ZNF385D: variants seen among roughly 807,000 people sequenced by gnomAD.
ZNF385D encodes zinc finger protein 659.
Under a neutral mutation model 35.8 loss-of-function variants are expected in ZNF385D, and 15 were observed. The ratio of observed to expected loss-of-function variants is 0.42; its 90% confidence interval spans 0.28 to 0.64. The LOEUF (loss-of-function observed/expected upper bound fraction) is 0.64. Ranked by LOEUF, ZNF385D falls within the 30% of genes least tolerant of loss-of-function variation. ZNF385D has a pLI of 0.23. For synonymous variants in ZNF385D, 212 were observed against 186.8 expected (o/e 1.13, Z -1.10); for missense variants, 474 against 494.6 (o/e 0.96, Z 0.39).
At chr3:21,560,668 C>T (rs547709971) in intron 3 of ZNF385D, among the ~76,000 whole-genome samples, 39 of 152,314 alleles carry the variant, frequency 2.6e-4, no homozygotes, top group African/African-American at 6.5e-4. Context: ...AGAGCTCGAA[C>T]GCTGTGCTGG....
intron 3 of ZNF385D, among the ~76,000 whole-genome samples, chr3:21,772,172 G>A (rs1575622464): frequency 6.6e-6 from 1 of 151,952 alleles, no homozygotes; most frequent in Admixed American, 6.6e-5. Flanking sequence ...ATTTAGCCAT[G>A]ATTTCTTGGA....
chr3:22,096,670 A>C (rs1474380491), intron 3 of ZNF385D, among the ~76,000 whole-genome samples: 1 of 152,086 alleles, frequency 6.6e-6, no homozygotes, highest in Non-Finnish European at 1.5e-5. Flanking sequence ...CCTGTACTGC[A>C]CAATCTCTTT....
At chr3:21,810,018 G>A (rs1226850658) in intron 3 of ZNF385D, among the ~76,000 whole-genome samples, 1 of 151,904 alleles carries the variant, frequency 6.6e-6, no homozygotes, top group African/African-American at 2.4e-5. Flanking sequence ...AGGAGAGAAG[G>A]GAAACTTTCC....
In ZNF385D at chr3:21,806,064, T is replaced by C. The variant is rs748012745; in HGVS notation, c.326-141036A>G. 1.2e-4 allele frequency among the ~76,000 whole-genome samples: 19 copies of C among 152,314 alleles called. No individual in the cohort carries two copies. In the South Asian group the frequency reaches 2.7e-3, roughly 22 times the overall value. On this transcript the variant is annotated intron_variant, in intron 3 of 5. Transcript: ENST00000494108. The stretch of plus-strand genomic sequence containing the variant: ...TCTCATTTGCTCTGGGAAATTCATA[T>C]GCATGTTAGCTAAACAGCAAAGCAG...
intron 2 of ZNF385D, among the ~76,000 whole-genome samples, chr3:22,205,381 A>AT (rs1296295714): frequency 1.3e-5 from 2 of 151,698 alleles, no homozygotes; most frequent in Admixed American, 1.3e-4. Flanking sequence ...AAGTTCTACA[A>AT]TCTTAAAGAA....
intron 2 of ZNF385D, among the ~76,000 whole-genome samples, chr3:21,637,455 C>T (rs943385230): frequency 6.6e-6 from 1 of 152,082 alleles, no homozygotes; most frequent in African/African-American, 2.4e-5. Context: ...CTATTCTGTT[C>T]CATTGGTCTG....
chr3:22,042,410 C>T (rs1038283483), intron 3 of ZNF385D, among the ~76,000 whole-genome samples: 1 of 151,792 alleles, frequency 6.6e-6, no homozygotes, highest in Non-Finnish European at 1.5e-5. Flanking sequence ...ATGTAGATTT[C>T]TATACTTAGT....
intron 3 of ZNF385D, among the ~76,000 whole-genome samples, chr3:22,060,656 G>A (rs1699641225): frequency 6.6e-6 from 1 of 152,150 alleles, no homozygotes; most frequent in East Asian, 1.9e-4. Context: ...AACAGCCATG[G>A]AAACTAGTGA....
chr3:22,328,352 A>C (rs980988031), intron 2 of ZNF385D, among the ~76,000 whole-genome samples: 4 of 152,146 alleles, frequency 2.6e-5, no homozygotes, highest in African/African-American at 9.7e-5. Flanking sequence ...TGATTATAAA[A>C]AATTTAACAT....
chr3:22,015,815 T>C (rs1252480661), intron 3 of ZNF385D, among the ~76,000 whole-genome samples: 1 of 152,130 alleles, frequency 6.6e-6, no homozygotes, highest in Non-Finnish European at 1.5e-5. Context: ...CTTATGCTTT[T>C]GATGTTTGAA....
At chr3:21,901,744 C>A (rs1417215411) in intron 3 of ZNF385D, among the ~76,000 whole-genome samples, 2 of 152,098 alleles carry the variant, frequency 1.3e-5, no homozygotes, top group Non-Finnish European at 2.9e-5. Flanking sequence ...AAACAAGCAA[C>A]TTTGAAGAAA....
At chr3:22,356,899 T>C (rs1159685683) in intron 2 of ZNF385D, among the ~76,000 whole-genome samples, 1 of 151,890 alleles carries the variant, frequency 6.6e-6, no homozygotes, top group Non-Finnish European at 1.5e-5. Flanking sequence ...GTTTGAGTGG[T>C]AATAAAATCA....
At chr3:22,095,663 T>G (rs1286197422) in intron 3 of ZNF385D, among the ~76,000 whole-genome samples, 1 of 62,898 alleles carries the variant, frequency 1.6e-5, no homozygotes, top group East Asian at 2.1e-4. Context: ...GGAAATTGAT[T>G]TCTTTATTTT....
intron 2 of ZNF385D, among the ~76,000 whole-genome samples, chr3:21,630,784 T>C (rs904080554): frequency 1.3e-5 from 2 of 152,136 alleles, no homozygotes; most frequent in African/African-American, 4.8e-5. Context: ...ATCACTAATA[T>C]CTATTGAGCA....
chr3:21,613,498 C>T (rs1175047727), intron 2 of ZNF385D, among the ~76,000 whole-genome samples: 1 of 152,006 alleles, frequency 6.6e-6, no homozygotes, highest in Non-Finnish European at 1.5e-5. Flanking sequence ...CTGAAACAAG[C>T]TTCATCAGTT....
intron 3 of ZNF385D, among the ~76,000 whole-genome samples, chr3:21,967,468 G>T (rs1206472828): frequency 3.3e-5 from 5 of 152,134 alleles, no homozygotes; most frequent in African/African-American, 1.2e-4. Flanking sequence ...ATATCTTGAT[G>T]AAATTTTAAA....
At chr3:22,217,677 C>A (rs774198627) in intron 2 of ZNF385D, among the ~76,000 whole-genome samples, 2 of 152,020 alleles carry the variant, frequency 1.3e-5, no homozygotes, top group Non-Finnish European at 2.9e-5. Context: ...AGGTACATTA[C>A]ATGTTATGGC....
chr3:21,436,788 C>A (rs1478968853), intron 5 of ZNF385D, 182 bp downstream of exon 5: 4 of 623,342 alleles, frequency 6.4e-6, no homozygotes, highest in Non-Finnish European at 1.1e-5. Context: ...CTGGAAACCA[C>A]CCCTTGCCCC....
At chr3:21,977,196 G>A (rs755304902) in intron 3 of ZNF385D, among the ~76,000 whole-genome samples, 2 of 152,110 alleles carry the variant, frequency 1.3e-5, no homozygotes, top group African/African-American at 4.8e-5. Context: ...GCTGCTAGGG[G>A]TGTTGGTAAT....
Sources: gnomAD v4.1 joint callset for allele counts (sites outside exome capture counted in the v4.1 genomes callset) on GRCh38, gnomAD v4.1.1 for gene constraint, MANE v1.5 for transcripts, NCBI Gene and HGNC (gene_info 2026-07-23, HGNC 2026-07-21) for gene names.